Variants in CIRSR observed in about 807,000 individuals in gnomAD.
CIRSR encodes corepressor of RBPJ and splicing regulator.
the CIRSR span, among the ~76,000 whole-genome samples, chr2:174,375,181 A>G: frequency 6.6e-6 from 1 of 152,160 alleles, no homozygotes; most frequent in African/African-American, 2.4e-5. Context: ...CTGCCTTATC[A>G]CTTTTTTAAA....
chr2:174,359,715 T>C, the CIRSR span, among the ~76,000 whole-genome samples: 2 of 152,202 alleles, frequency 1.3e-5, no homozygotes, highest in African/African-American at 2.4e-5. Flanking sequence ...ACTGGGTATA[T>C]ACCCAAAGGA....
the CIRSR span, chr2:174,349,203 G>A: frequency 8.9e-7 from 1 of 1,129,360 alleles, no homozygotes; most frequent in Non-Finnish European, 1.2e-6. Flanking sequence ...GTAACAGACT[G>A]TGTGAAAAAC....
the CIRSR span, among the ~76,000 whole-genome samples, chr2:174,368,744 G>T: frequency 6.6e-6 from 1 of 152,310 alleles, no homozygotes; most frequent in South Asian, 2.1e-4. Flanking sequence ...TGTCCCTAGA[G>T]CTCTTGGGTC....
the CIRSR span, among the ~76,000 whole-genome samples, chr2:174,386,461 C>T: frequency 6.6e-6 from 1 of 151,656 alleles, no homozygotes; most frequent in African/African-American, 2.4e-5. Context: ...GGATTACAGG[C>T]ATGAGCCACT....
the CIRSR span, among the ~76,000 whole-genome samples, chr2:174,389,622 A>G: frequency 3.3e-5 from 5 of 152,220 alleles, no homozygotes; most frequent in African/African-American, 4.8e-5. Context: ...TGCATAAATA[A>G]TGAGAAGTCG....
the CIRSR span, among the ~76,000 whole-genome samples, chr2:174,358,964 G>A: frequency 1.3e-5 from 2 of 152,198 alleles, no homozygotes; most frequent in Admixed American, 6.5e-5. Flanking sequence ...AAAGTGCTGG[G>A]ATTACAGGCG....
At chr2:174,369,893 T>A in the CIRSR span, 11 of 1,264,070 alleles carry the variant, frequency 8.7e-6, no homozygotes, top group Non-Finnish European at 1.2e-5. Context: ...AAGTTTGAAT[T>A]ATTGCAATAA....
chr2:174,352,842 T>C, the CIRSR span, among the ~76,000 whole-genome samples: 1 of 152,194 alleles, frequency 6.6e-6, no homozygotes, highest in East Asian at 1.9e-4. Flanking sequence ...AAGGAGTTCA[T>C]ACGGGAGGGT....
At chr2:174,352,586 A>T in the CIRSR span, among the ~76,000 whole-genome samples, 1 of 152,186 alleles carries the variant, frequency 6.6e-6, no homozygotes, top group African/African-American at 2.4e-5. Flanking sequence ...CTAAATAAAT[A>T]AATAATTTTT....
the CIRSR span, among the ~76,000 whole-genome samples, chr2:174,361,416 T>C: frequency 6.6e-6 from 1 of 152,210 alleles, no homozygotes; most frequent in Middle Eastern, 3.2e-3. Context: ...TACAGGAAGT[T>C]CCTCTGGTAT....
the CIRSR span, among the ~76,000 whole-genome samples, chr2:174,386,615 C>A: frequency 5.3e-5 from 8 of 152,142 alleles, no homozygotes; most frequent in Admixed American, 1.3e-4. Context: ...TGATAGCACC[C>A]CAGTCCGCAG....
the CIRSR span, among the ~76,000 whole-genome samples, chr2:174,376,283 G>C: frequency 6.6e-6 from 1 of 152,166 alleles, no homozygotes; most frequent in Non-Finnish European, 1.5e-5. Flanking sequence ...TAGAGAAAAA[G>C]AATCACTAAT....
chr2:174,368,270 C>T, the CIRSR span, among the ~76,000 whole-genome samples: 14 of 152,158 alleles, frequency 9.2e-5, no homozygotes, highest in African/African-American at 3.1e-4. Context: ...GCAGAATATA[C>T]ATTCTTCTCC....
At chr2:174,348,398 T>C in the CIRSR span, 1 of 1,504,188 alleles carries the variant, frequency 6.6e-7, no homozygotes, top group East Asian at 2.3e-5. Flanking sequence ...AAGACAACAG[T>C]ACATAATTTA....
chr2:174,393,556 T>TA, the CIRSR span, among the ~76,000 whole-genome samples: 1 of 152,128 alleles, frequency 6.6e-6, no homozygotes, highest in Admixed American at 6.5e-5. Context: ...TTGTTGCCTA[T>TA]GCTGGTCTTG....
At chr2:174,357,786 G>T in the CIRSR span, among the ~76,000 whole-genome samples, 1 of 152,012 alleles carries the variant, frequency 6.6e-6, no homozygotes, top group Admixed American at 6.6e-5. Context: ...CTTTTAAAAA[G>T]ACTTAAAAAA....
the CIRSR span, among the ~76,000 whole-genome samples, chr2:174,362,670 G>C: frequency 9.1e-6 from 1 of 110,098 alleles, no homozygotes; most frequent in East Asian, 3.0e-4. Flanking sequence ...CTGGGTGACA[G>C]AGCGAGACTC....
At chr2:174,380,128 C>A in the CIRSR span, 4 of 1,069,384 alleles carry the variant, frequency 3.7e-6, no homozygotes, top group Non-Finnish European at 5.4e-6. Context: ...GCTTAAACAC[C>A]TTTTAGACAA....
At chr2:174,356,531 A>AAAGGAAGGAAGG in the CIRSR span, among the ~76,000 whole-genome samples, 4 of 133,650 alleles carry the variant, frequency 3.0e-5, no homozygotes, top group South Asian at 2.4e-4. Flanking sequence ...AAGAAAGAAG[A>AAAGGAAGGAAGG]AAGGAAGGAA....
Sources: gnomAD v4.1 joint callset for allele counts (sites outside exome capture counted in the v4.1 genomes callset) on GRCh38, gnomAD v4.1.1 for gene constraint, MANE v1.5 for transcripts, NCBI Gene and HGNC (gene_info 2026-07-23, HGNC 2026-07-21) for gene names.